The following SYS1 variants were observed in gnomAD, a reference collection of about 807,000 sequenced individuals.
SYS1 encodes the protein SYS1 golgi trafficking protein, also known as protein SYS1 homolog.
In SYS1, 8 loss-of-function variants were observed where a neutral mutation model predicts 17.8. The ratio of observed to expected loss-of-function variants is 0.45; its 90% CI spans 0.26 to 0.81. The LOEUF (loss-of-function observed/expected upper bound fraction) is 0.81, where lower values mean the gene tolerates loss of function less well. SYS1 is among the 40% of genes least tolerant of loss of function. The probability of loss-of-function intolerance (pLI) is 0.16; values close to 1 mark genes in which losing one functional copy is unlikely to be tolerated. For missense variants in SYS1, 161 were observed against 203.9 expected (o/e 0.79, Z 1.28); for synonymous variants, 95 against 90.9 (o/e 1.05, Z -0.26).
chr20:45,365,869 C>A, intron 3 of SYS1, 183 bp downstream of exon 3: 4 of 645,702 alleles, frequency 6.2e-6, no homozygotes, highest in Non-Finnish European at 1.1e-5. Context: ...TTTGACTTAC[C>A]TGGAAAGCTC....
Position 45,375,623 on chromosome 20 carries a change from G to A in SYS1, c.*1329G>A, listed in dbSNP as rs1265692422. The A allele has an allele frequency of 4.6e-6, 7 of 1,529,300 alleles. No individual in the cohort carries two copies. The East Asian group carries it at 1.3e-4, about 29-fold the overall frequency. The allele number at this position is 1,529,300 out of a possible 1,614,324, so 94.7% of individuals were successfully genotyped here. On this transcript the variant is annotated 3_prime_UTR_variant, in exon 4 of 4. Coordinates refer to the SYS1 transcript ENST00000426004. ...TGGTTCCCGAGACAGTTGCTATGTA[G>A]CCAGCTCAGGGGAGCCTGTTAAGAA...
Position 45,365,541 on chromosome 20 carries a change from C to T in SYS1, c.163-78C>T. 6 of 1,377,690 alleles carry T rather than the reference C, an allele frequency of 4.4e-6. No homozygotes were observed. The Middle Eastern group carries it at 5.4e-4, about 123-fold the overall frequency. The allele number at this position is 1,377,690 out of a possible 1,614,324, so 85.3% of individuals were successfully genotyped here. A position where few individuals can be genotyped will look rare whatever the true frequency, so the allele number is the denominator to read the frequency against. On this transcript the variant is annotated intron_variant, in intron 2 of 3. Transcript: ENST00000243918. ...CTGTGCTCTGGGAAGAATGCTTGTT[C>T]CTTAGGAGGCTTGCTGAGATCCTGG...
downstream of SYS1, chr20:45,373,561 T>G: frequency 2.9e-6 from 1 of 345,686 alleles, no homozygotes; most frequent in South Asian, 3.7e-5. Context: ...CCTGCCACTT[T>G]CTAGCTGAGT....
chr20:45,363,778 C>CT, intron 2 of SYS1, 85 bp downstream of exon 2: 5 of 1,380,654 alleles, frequency 3.6e-6, no homozygotes, highest in Non-Finnish European at 4.9e-6. Flanking sequence ...GTAGACGTGG[C>CT]TGGGTCACCT....
In SYS1 at chr20:45,365,670, C is replaced by G. The variant is rs752375296; in HGVS notation, c.214C>G (p.Leu72Val). ...CCGGCTCTCCATGATGTCCTTCATC[C>G]TCAACGCCCTCACCTGGTGAGTATC... ...PGRLSMMSFI[L>V]NALTCALGLL... Residue 72 changes from leucine (L) to valine (V), a missense_variant, in exon 3 of 4, where the codon CTC becomes GTC. Coordinates refer to ENST00000243918, the MANE Select transcript of SYS1 (RefSeq NM_033542.4). The G allele has an allele frequency of 1.1e-5, 18 of 1,614,148 alleles. No individual in the cohort carries two copies. Among genetic ancestry groups the G allele is most frequent in the Admixed American group, 5.0e-5 (3 of 60,030 alleles).
chr20:45,362,015 C>T, upstream of SYS1: 1 of 985,352 alleles, frequency 1.0e-6, no homozygotes, highest in South Asian at 4.7e-5. Flanking sequence ...TTTTCGTCTG[C>T]TGGAGTAGGA....
exon 4 of SYS1, chr20:45,376,267 C>A: frequency 6.6e-6 from 1 of 152,344 alleles, no homozygotes; most frequent in Non-Finnish European, 1.5e-5. Flanking sequence ...ACTGGGCCCC[C>A]TGCAAACCCC....
chr20:45,375,507 G>A, exon 4 of SYS1: 2 of 1,574,658 alleles, frequency 1.3e-6, no homozygotes, highest in Non-Finnish European at 1.7e-6. Flanking sequence ...CGATCTCCTG[G>A]AACTCTTCAT....
exon 4 of SYS1, chr20:45,375,167 G>A (rs372269621): frequency 2.5e-6 from 4 of 1,614,198 alleles, no homozygotes; most frequent in East Asian, 4.5e-5. Context: ...CGTGTGGGCA[G>A]CCCCTCAAAC....
At chr20:45,375,657 G>C in exon 4 of SYS1, 12 of 1,424,120 alleles carry the variant, frequency 8.4e-6, no homozygotes, top group Non-Finnish European at 1.1e-5. Context: ...AAAGGCTAGA[G>C]GGGCCTGCAA....
chr20:45,375,464 A>G, exon 4 of SYS1: 1 of 1,613,826 alleles, frequency 6.2e-7, no homozygotes, highest in Non-Finnish European at 8.5e-7. Flanking sequence ...GTGGACTCTA[A>G]TTTCTTGGAC....
In SYS1 at chr20:45,363,250, T is replaced by G. The variant is rs1443152491; in HGVS notation, c.-69T>G. 1.7e-6 allele frequency: 2 copies of G among 1,197,152 alleles called. No individual in the cohort carries two copies. Among genetic ancestry groups the G allele is most frequent in the East Asian group, 4.3e-5 (1 of 23,344 alleles). The allele number at this position is 1,197,152 out of a possible 1,614,324, so 74.2% of individuals were successfully genotyped here. ...CCTCCATGGTCCTGTCTGTCAGCGCTGTTTTGGGAGCCCGCCGGTGAGGCC... is the reference window on the plus strand; with the variant it reads ...CCTCCATGGTCCTGTCTGTCAGCGCGGTTTTGGGAGCCCGCCGGTGAGGCC... On this transcript the variant is annotated 5_prime_UTR_variant, in exon 1 of 4. Transcript: ENST00000243918.
downstream of SYS1, chr20:45,373,613 C>T: frequency 2.3e-6 from 1 of 443,710 alleles, no homozygotes; most frequent in East Asian, 3.8e-5. Flanking sequence ...CCGCGGTTTC[C>T]TCTTGCGAGC....
upstream of SYS1, among the ~76,000 whole-genome samples, chr20:45,362,364 T>C (rs1988250378): frequency 2.0e-5 from 3 of 151,624 alleles, no homozygotes; most frequent in Admixed American, 2.0e-4. Context: ...TATTTATTTA[T>C]TTATTTATTT....
At chr20:45,370,291 G>T (rs1988534403), downstream of SYS1, among the ~76,000 whole-genome samples, 1 of 152,088 alleles carries the variant, frequency 6.6e-6, no homozygotes, top group African/African-American at 2.4e-5. Context: ...ATAAAGGAAG[G>T]TACCTAGATA....
chr20:45,375,669 G>T, exon 4 of SYS1: 3 of 1,300,646 alleles, frequency 2.3e-6, no homozygotes, highest in Non-Finnish European at 3.1e-6. Context: ...GGCCTGCAAA[G>T]AAACTTCTCT....
chr20:45,365,796 T>A, intron 3 of SYS1, 110 bp downstream of exon 3: 1 of 1,140,832 alleles, frequency 8.8e-7, no homozygotes, highest in Non-Finnish European at 1.3e-6. Context: ...AGTGGTGGAG[T>A]AAAGTGGGTG....
At chr20:45,365,293 C>T (rs1039360322) in intron 2 of SYS1, 9 of 417,150 alleles carry the variant, frequency 2.2e-5, no homozygotes, top group South Asian at 4.2e-5. Context: ...GAGCAGATGC[C>T]AGGCCTATGG....
chr20:45,374,358 G>T lies in SYS1; in HGVS notation c.*64G>T. On this transcript the variant is annotated 3_prime_UTR_variant, in exon 4 of 4. Transcript: ENST00000426004. ...CGAAGTCACAGCTCACTGCAGCCTC[G>T]ACTCCTGGGCTTAAGCGATCCTCCG... 6 of 662,502 alleles carry T rather than the reference G, an allele frequency of 9.1e-6. No homozygotes were observed. The South Asian group carries it at 1.0e-4, about 11-fold the overall frequency. The allele number at this position is 662,502 out of a possible 1,614,324, so 41.0% of individuals were successfully genotyped here. A position where few individuals can be genotyped will look rare whatever the true frequency, so the allele number is the denominator to read the frequency against.
Sources: gnomAD v4.1 joint callset for allele counts (sites outside exome capture counted in the v4.1 genomes callset) on GRCh38, gnomAD v4.1.1 for gene constraint, MANE v1.5 for transcripts, NCBI Gene and HGNC (gene_info 2026-07-23, HGNC 2026-07-21) for gene names.